CLNK: variants seen among roughly 807,000 people sequenced by gnomAD.
CLNK encodes cytokine dependent hematopoietic cell linker, also known as cytokine-dependent hematopoietic cell linker.
In CLNK, 74 loss-of-function variants were observed where a neutral mutation model predicts 68.6. That is an observed-to-expected ratio of 1.08 (90% CI 0.89 to 1.31). The LOEUF (loss-of-function observed/expected upper bound fraction) is 1.31. Ranked by LOEUF, CLNK falls within the 50% of genes most tolerant of loss-of-function variation. CLNK has a pLI of 0.00. For missense variants in CLNK, 553 were observed against 515.3 expected (o/e 1.07, Z -0.71); for synonymous variants, 198 against 172.2 (o/e 1.15, Z -1.17).
chr4:10,697,926 C>T, the CLNK span, among the ~76,000 whole-genome samples: 1 of 152,148 alleles, frequency 6.6e-6, no homozygotes, highest in Non-Finnish European at 1.5e-5. Flanking sequence ...AGATACTAAT[C>T]TTCATCCTCT....
intron 11 of CLNK, among the ~76,000 whole-genome samples, chr4:10,533,246 G>A (rs1197811405): frequency 4.6e-5 from 7 of 152,156 alleles, no homozygotes; most frequent in East Asian, 1.9e-4. Context: ...GTGACAGAGC[G>A]TGACTCCATT....
At chr4:10,592,239 A>G (rs41340151) in intron 3 of CLNK, among the ~76,000 whole-genome samples, 22,915 of 152,228 alleles carry the variant, frequency 0.15, 1,840 homozygotes, top group African/African-American at 0.19. Flanking sequence ...GGCAGAAAAC[A>G]TGTCTATATA....
chr4:10,488,761 T>C lies in CLNK; in HGVS notation c.*1706A>G, dbSNP rs1263405764. Reference sequence around the variant, plus strand: ...GGATAGTGGGTAGATGCTAAGAGCTTTTCCCAGAGAGCTCATTGTCTGCTG... The same window carrying C: ...GGATAGTGGGTAGATGCTAAGAGCTCTTCCCAGAGAGCTCATTGTCTGCTG... On this transcript the variant is annotated 3_prime_UTR_variant, in exon 19 of 19. Coordinates refer to ENST00000226951, the MANE Select transcript of CLNK (RefSeq NM_052964.4). 1.3e-5 allele frequency: 2 copies of C among 152,224 alleles called. No individual in the cohort carries two copies. The highest frequency in any genetic ancestry group is 4.8e-5 in the African/African-American group (2 of 41,464). 9.4% of individuals were successfully genotyped at this position (152,224 alleles called of 1,614,324 possible).
intron 8 of CLNK, among the ~76,000 whole-genome samples, chr4:10,543,628 G>A (rs553386772): frequency 2.4e-4 from 36 of 152,262 alleles, no homozygotes; most frequent in African/African-American, 8.4e-4. Context: ...GATTCCCCTT[G>A]GTGAAAGGTC....
chr4:10,620,435 G>A (rs907435389), intron 2 of CLNK, among the ~76,000 whole-genome samples: 2 of 152,102 alleles, frequency 1.3e-5, no homozygotes, highest in Admixed American at 6.5e-5. Flanking sequence ...TCAAACAATC[G>A]TCACTGATTT....
chr4:10,557,663 C>T (rs766276276), intron 8 of CLNK, among the ~76,000 whole-genome samples: 1 of 152,196 alleles, frequency 6.6e-6, no homozygotes, highest in African/African-American at 2.4e-5. Flanking sequence ...CTTAAATTAT[C>T]CTAATTTGAG....
chr4:10,677,622 GT>G (rs1724926424), intron 1 of CLNK, among the ~76,000 whole-genome samples: 1 of 151,922 alleles, frequency 6.6e-6, no homozygotes, highest in Non-Finnish European at 1.5e-5. Flanking sequence ...AGATCTGATG[GT>G]TTTATAAGGC....
chr4:10,677,013 C>A lies in CLNK; in HGVS notation c.-43+7655G>T, dbSNP rs866623967. On this transcript the variant is annotated intron_variant, in intron 1 of 18. Transcript: ENST00000226951. ...TTTTTTTGGCTTCCATAAATGATGG[C>A]AGAACCACATTGATTAGAGGCAGGC... 4.1e-4 allele frequency among the ~76,000 whole-genome samples: 60 copies of A among 145,054 alleles called. 1 individual carries two copies. The highest frequency in any genetic ancestry group is 3.4e-3 in the Middle Eastern group (1 of 294).
intron 11 of CLNK, among the ~76,000 whole-genome samples, chr4:10,537,287 G>T (rs191419456): frequency 6.6e-6 from 1 of 152,152 alleles, no homozygotes; most frequent in Non-Finnish European, 1.5e-5. Context: ...AGACCAGCCT[G>T]ACCAACATGG....
At chr4:10,698,245 TC>T in the CLNK span, among the ~76,000 whole-genome samples, 2 of 152,134 alleles carry the variant, frequency 1.3e-5, no homozygotes, top group African/African-American at 4.8e-5. Flanking sequence ...AAGACAATTT[TC>T]AAACTAGCAA....
chr4:10,676,574 G>T (rs1724884241), intron 1 of CLNK, among the ~76,000 whole-genome samples: 1 of 151,930 alleles, frequency 6.6e-6, no homozygotes, highest in African/African-American at 2.4e-5. Context: ...CACTCTTAAT[G>T]AACTGATGCA....
At chr4:10,549,297 C>T (rs1159083902) in intron 8 of CLNK, among the ~76,000 whole-genome samples, 1 of 152,160 alleles carries the variant, frequency 6.6e-6, no homozygotes, top group Admixed American at 6.5e-5. Flanking sequence ...CTGGATTGAA[C>T]AAGCAAAGTA....
chr4:10,707,755 C>T, the CLNK span, among the ~76,000 whole-genome samples: 3 of 152,156 alleles, frequency 2.0e-5, no homozygotes, highest in African/African-American at 7.2e-5. Context: ...GCCAGGGAAT[C>T]ATAGACTTTT....
At chr4:10,524,096 G>GGAC (rs1252938529) in intron 14 of CLNK, 8 of 199,694 alleles carry the variant, frequency 4.0e-5, no homozygotes, top group Non-Finnish European at 6.3e-5. Flanking sequence ...AAGAGGAGGA[G>GGAC]GAGGAGGAGG....
chr4:10,699,513 T>TATATATTTTA, the CLNK span, among the ~76,000 whole-genome samples: 104 of 62,032 alleles, frequency 1.7e-3, 1 homozygote, highest in African/African-American at 7.9e-3. Flanking sequence ...TATATATATA[T>TATATATTTTA]TTTTTTTTTT....
the CLNK span, among the ~76,000 whole-genome samples, chr4:10,705,248 T>C: frequency 6.6e-6 from 1 of 152,130 alleles, no homozygotes; most frequent in East Asian, 1.9e-4. Flanking sequence ...GGGAACAAAA[T>C]ACACGTTTAT....
At chr4:10,520,276 T>A (rs949196314) in intron 15 of CLNK, among the ~76,000 whole-genome samples, 1 of 152,212 alleles carries the variant, frequency 6.6e-6, no homozygotes, top group African/African-American at 2.4e-5. Flanking sequence ...TACAAACAGT[T>A]ACTAAGAGGT....
At chr4:10,648,630 AAAT>A (rs1723610211) in intron 2 of CLNK, among the ~76,000 whole-genome samples, 1 of 152,184 alleles carries the variant, frequency 6.6e-6, no homozygotes, top group African/African-American at 2.4e-5. Flanking sequence ...TCCGATGAAG[AAAT>A]CCAAGGCTTA....
chr4:10,560,967 G>A (rs1463617652), intron 7 of CLNK, among the ~76,000 whole-genome samples: 1 of 151,462 alleles, frequency 6.6e-6, no homozygotes, highest in Admixed American at 6.6e-5. Flanking sequence ...CATGATCACG[G>A]CTCACTGCAG....
Sources: allele counts gnomAD v4.1 joint callset (sites outside exome capture counted in the v4.1 genomes callset), GRCh38; gene constraint gnomAD v4.1.1; transcripts MANE v1.5; gene names NCBI Gene and HGNC (gene_info 2026-07-23, HGNC 2026-07-21).